Variants in TRPM3 observed in about 807,000 individuals in gnomAD.
The protein encoded by TRPM3 is long transient receptor potential channel 3.
A neutral mutation model predicts 181.2 loss-of-function variants in TRPM3; 77 were observed. The observed-to-expected ratio is 0.42, with a 90% CI of 0.35 to 0.51. The LOEUF is 0.51. TRPM3 is among the 20% of genes least tolerant of loss of function. The probability of loss-of-function intolerance (pLI) is 0.01; values close to 1 mark genes in which losing one functional copy is unlikely to be tolerated. For synonymous variants in TRPM3, 745 were observed against 796.4 expected, an observed-to-expected ratio of 0.94 and a Z score of 1.09; for missense variants, 1,759 against 2,196.7, an observed-to-expected ratio of 0.80 and a Z score of 3.98.
chr9:70,557,425 G>C (rs1021056973), intron 22 of TRPM3, among the ~76,000 whole-genome samples: 2 of 152,240 alleles, frequency 1.3e-5, no homozygotes, highest in African/African-American at 2.4e-5. Flanking sequence ...ATATGCAGCA[G>C]TTAATGCAAA....
intron 1 of TRPM3, among the ~76,000 whole-genome samples, chr9:71,024,286 G>A (rs995790700): frequency 6.6e-6 from 1 of 152,188 alleles, no homozygotes; most frequent in Non-Finnish European, 1.5e-5. Context: ...TACCCATTGG[G>A]ACAGAGGGGC....
intron 1 of TRPM3, among the ~76,000 whole-genome samples, chr9:71,057,194 T>C (rs1353189426): frequency 6.6e-6 from 1 of 152,038 alleles, no homozygotes; most frequent in Non-Finnish European, 1.5e-5. Context: ...ATGGTCATTT[T>C]TTCCCTTTCC....
intron 1 of TRPM3, among the ~76,000 whole-genome samples, chr9:71,358,169 A>G (rs2091986689): frequency 6.6e-6 from 1 of 152,172 alleles, no homozygotes; most frequent in Admixed American, 6.6e-5. Flanking sequence ...CTTTTGGCAA[A>G]ATAGTCTGAA....
At chr9:71,034,710 T>C (rs2132801386) in intron 1 of TRPM3, among the ~76,000 whole-genome samples, 1 of 152,130 alleles carries the variant, frequency 6.6e-6, no homozygotes, top group Non-Finnish European at 1.5e-5. Context: ...TGGGAGTATT[T>C]ACATCATGGA....
intron 1 of TRPM3, among the ~76,000 whole-genome samples, chr9:71,433,451 T>A (rs1162789186): frequency 6.6e-6 from 1 of 152,148 alleles, no homozygotes; most frequent in African/African-American, 2.4e-5. Context: ...ATTGTAAGTT[T>A]CCAGAGGCCT....
intron 1 of TRPM3, among the ~76,000 whole-genome samples, chr9:71,058,164 T>G (rs2060884059): frequency 6.6e-6 from 1 of 152,038 alleles, no homozygotes; most frequent in Non-Finnish European, 1.5e-5. Context: ...AGATACATGT[T>G]TTAAGCAAGT....
chr9:70,583,054 G>T (rs1359613482), intron 22 of TRPM3, among the ~76,000 whole-genome samples: 2 of 152,064 alleles, frequency 1.3e-5, no homozygotes, highest in Non-Finnish European at 2.9e-5. Flanking sequence ...GTACTGGCTT[G>T]GTACCCCCCA....
At chr9:70,849,417 G>A (rs1386745330) in intron 3 of TRPM3, among the ~76,000 whole-genome samples, 1 of 152,050 alleles carries the variant, frequency 6.6e-6, no homozygotes, top group Non-Finnish European at 1.5e-5. Context: ...AGTGCTGGGA[G>A]TACAGGCGTG....
intron 9 of TRPM3, among the ~76,000 whole-genome samples, chr9:70,645,271 A>G (rs11142527): frequency 0.15 from 23,100 of 152,212 alleles, 2,316 homozygotes; most frequent in East Asian, 0.4. Flanking sequence ...AGCAAAAATA[A>G]CAAACCTGGA....
chr9:70,822,216 G>A (rs1237703544), intron 6 of TRPM3, among the ~76,000 whole-genome samples: 2 of 151,964 alleles, frequency 1.3e-5, no homozygotes, highest in Non-Finnish European at 2.9e-5. Context: ...TTATTTCTGC[G>A]TGGAATCTCA....
chr9:71,202,978 A>G (rs1364648167), intron 1 of TRPM3, among the ~76,000 whole-genome samples: 1 of 152,220 alleles, frequency 6.6e-6, no homozygotes, highest in Non-Finnish European at 1.5e-5. Flanking sequence ...AAGTCCCCAA[A>G]TTGGCAAATA....
intron 1 of TRPM3, among the ~76,000 whole-genome samples, chr9:71,419,833 C>T (rs2093698654): frequency 6.6e-6 from 1 of 151,860 alleles, no homozygotes; most frequent in African/African-American, 2.4e-5. Context: ...ATATATCAGA[C>T]TAATAATTTC....
intron 25 of TRPM3, among the ~76,000 whole-genome samples, chr9:70,548,226 T>C (rs2045550756): frequency 6.6e-6 from 1 of 152,228 alleles, no homozygotes; most frequent in Admixed American, 6.5e-5. Context: ...ATCTTCAGAC[T>C]TTTAGTTTCT....
At chr9:71,094,286 A>G (rs2066735956) in intron 1 of TRPM3, among the ~76,000 whole-genome samples, 1 of 152,160 alleles carries the variant, frequency 6.6e-6, no homozygotes, top group South Asian at 2.1e-4. Flanking sequence ...TTTTAAAAAA[A>G]ACTTAAAAAA....
chr9:71,274,211 C>A (rs570112300), intron 1 of TRPM3, among the ~76,000 whole-genome samples: 3 of 152,158 alleles, frequency 2.0e-5, no homozygotes, highest in African/African-American at 7.2e-5. Context: ...TTGGGACTGA[C>A]ATCTATAGTC....
intron 1 of TRPM3, among the ~76,000 whole-genome samples, chr9:70,908,619 T>C (rs950367013): frequency 6.6e-6 from 1 of 152,228 alleles, no homozygotes; most frequent in Non-Finnish European, 1.5e-5. Flanking sequence ...CCTCCCCAAA[T>C]TCATCTAGAT....
chr9:70,597,123 G>C (rs2059159948), intron 21 of TRPM3, among the ~76,000 whole-genome samples: 1 of 152,032 alleles, frequency 6.6e-6, no homozygotes, highest in Non-Finnish European at 1.5e-5. Context: ...AGTAGAGATA[G>C]GGTTTCTCCA....
At chr9:71,340,936 CA>C (rs1313468116) in intron 1 of TRPM3, among the ~76,000 whole-genome samples, 1 of 152,074 alleles carries the variant, frequency 6.6e-6, no homozygotes, top group Non-Finnish European at 1.5e-5. Flanking sequence ...AACGCAACAA[CA>C]ACCATCACCA....
intron 1 of TRPM3, among the ~76,000 whole-genome samples, chr9:71,424,412 G>A (rs764130395): frequency 5.3e-5 from 8 of 152,146 alleles, no homozygotes; most frequent in Non-Finnish European, 8.8e-5. Context: ...AGTGTGCTAG[G>A]TGTCAGGAAT....
Sources: allele counts gnomAD v4.1 joint callset (sites outside exome capture counted in the v4.1 genomes callset), GRCh38; gene constraint gnomAD v4.1.1; transcripts MANE v1.5; gene names NCBI Gene and HGNC (gene_info 2026-07-23, HGNC 2026-07-21).